HEMK2: variants seen among roughly 807,000 people sequenced by gnomAD.
The protein encoded by HEMK2 is HemK methyltransferase 2, ETF1 glutamine and histone H4 lysine.
the HEMK2 span, among the ~76,000 whole-genome samples, chr21:28,832,869 T>C: frequency 6.6e-6 from 1 of 152,250 alleles, no homozygotes; most frequent in Non-Finnish European, 1.5e-5. Context: ...ATTCAGCTAA[T>C]ATTTCTGGAG....
chr21:28,672,044 G>A, the HEMK2 span, among the ~76,000 whole-genome samples: 5 of 152,188 alleles, frequency 3.3e-5, no homozygotes, highest in South Asian at 6.2e-4. Flanking sequence ...TAAAGTACAC[G>A]TTGTTTTTCA....
At chr21:28,581,544 G>T in the HEMK2 span, among the ~76,000 whole-genome samples, 1 of 152,184 alleles carries the variant, frequency 6.6e-6, no homozygotes, top group African/African-American at 2.4e-5. Context: ...CTGCACTAAA[G>T]CTTTGAAGGA....
chr21:28,849,087 G>A, the HEMK2 span, among the ~76,000 whole-genome samples: 41,192 of 152,020 alleles, frequency 0.27, 6,584 homozygotes, highest in African/African-American at 0.44. Context: ...CTTTGGCTAC[G>A]ACCACCCATC....
the HEMK2 span, chr21:28,872,698 C>G: frequency 6.6e-6 from 1 of 152,196 alleles, no homozygotes; most frequent in Non-Finnish European, 1.5e-5. Flanking sequence ...CAGTCTGAAT[C>G]CAAAGGCTTG....
At chr21:28,852,932 C>A in the HEMK2 span, among the ~76,000 whole-genome samples, 1 of 152,300 alleles carries the variant, frequency 6.6e-6, no homozygotes, top group East Asian at 1.9e-4. Flanking sequence ...ACCCACCTTG[C>A]CTTTGATGGT....
chr21:28,739,789 T>C, the HEMK2 span, among the ~76,000 whole-genome samples: 1 of 152,180 alleles, frequency 6.6e-6, no homozygotes, highest in Admixed American at 6.5e-5. Flanking sequence ...AAGCAACACA[T>C]GGCCAGTGTC....
At chr21:28,685,679 A>G in the HEMK2 span, among the ~76,000 whole-genome samples, 1 of 152,214 alleles carries the variant, frequency 6.6e-6, no homozygotes, top group Non-Finnish European at 1.5e-5. Context: ...TTCATCAGTA[A>G]TGTACTATTG....
At chr21:28,614,775 T>G in the HEMK2 span, among the ~76,000 whole-genome samples, 40 of 152,286 alleles carry the variant, frequency 2.6e-4, no homozygotes, top group Admixed American at 8.5e-4. Context: ...CGCCTCCACA[T>G]GGCATATGGC....
chr21:28,831,936 T>C, the HEMK2 span, among the ~76,000 whole-genome samples: 1 of 152,154 alleles, frequency 6.6e-6, no homozygotes, highest in Non-Finnish European at 1.5e-5. Flanking sequence ...AGGTATATAG[T>C]ATAACTGTTT....
the HEMK2 span, among the ~76,000 whole-genome samples, chr21:28,657,572 C>T: frequency 6.6e-6 from 1 of 151,992 alleles, no homozygotes; most frequent in Admixed American, 6.6e-5. Flanking sequence ...AAAATTGTAA[C>T]TGCAGAGAAA....
chr21:28,734,885 C>T, the HEMK2 span, among the ~76,000 whole-genome samples: 2 of 152,198 alleles, frequency 1.3e-5, no homozygotes, highest in African/African-American at 2.4e-5. Context: ...CAATCACTTG[C>T]ATAACTCATG....
At chr21:28,731,759 TAA>T in the HEMK2 span, among the ~76,000 whole-genome samples, 9,353 of 141,172 alleles carry the variant, frequency 0.066, 405 homozygotes, top group Middle Eastern at 0.12. Context: ...AGTATAATAA[TAA>T]AAAAAAAAAA....
At chr21:28,805,964 AT>A in the HEMK2 span, among the ~76,000 whole-genome samples, 13 of 152,152 alleles carry the variant, frequency 8.5e-5, no homozygotes, top group Admixed American at 6.5e-5. Context: ...GCCTACTCTG[AT>A]TTTTCAGCAG....
the HEMK2 span, among the ~76,000 whole-genome samples, chr21:28,847,528 C>G: frequency 1.3e-5 from 2 of 152,092 alleles, no homozygotes; most frequent in Admixed American, 1.3e-4. Context: ...AGATATTTTT[C>G]AGATGCATAG....
At chr21:28,790,774 T>C in the HEMK2 span, among the ~76,000 whole-genome samples, 150 of 144,836 alleles carry the variant, frequency 1.0e-3, no homozygotes, top group African/African-American at 3.6e-3. Flanking sequence ...TGCTTTTTTG[T>C]ATTTTCTAAA....
the HEMK2 span, among the ~76,000 whole-genome samples, chr21:28,703,638 T>C: frequency 5.9e-5 from 9 of 152,244 alleles, no homozygotes; most frequent in African/African-American, 1.9e-4. Context: ...AGACTTCTGT[T>C]CCAGTGCTCT....
At chr21:28,847,894 T>C in the HEMK2 span, among the ~76,000 whole-genome samples, 3,022 of 152,258 alleles carry the variant, frequency 0.02, 95 homozygotes, top group African/African-American at 0.069. Flanking sequence ...TCCCCATTGC[T>C]TGCTACTGTT....
chr21:28,832,912 CTT>C, the HEMK2 span, among the ~76,000 whole-genome samples: 10 of 152,188 alleles, frequency 6.6e-5, no homozygotes, highest in African/African-American at 2.4e-4. Context: ...GAGCTAAAGA[CTT>C]TGTCTTATTT....
chr21:28,607,665 T>C, the HEMK2 span, among the ~76,000 whole-genome samples: 2 of 152,242 alleles, frequency 1.3e-5, no homozygotes, highest in Non-Finnish European at 2.9e-5. Context: ...CAGAAGCTCA[T>C]TCTGTCTTAT....
Sources: gnomAD v4.1 joint callset for allele counts (sites outside exome capture counted in the v4.1 genomes callset) on GRCh38, gnomAD v4.1.1 for gene constraint, MANE v1.5 for transcripts, NCBI Gene and HGNC (gene_info 2026-07-23, HGNC 2026-07-21) for gene names.